MAN1C1: variants seen among roughly 807,000 people sequenced by gnomAD.
MAN1C1 encodes the protein mannosidase alpha class 1C member 1.
In MAN1C1, 49 loss-of-function variants were observed where a neutral mutation model predicts 71.5. The ratio of observed to expected loss-of-function variants is 0.69; its 90% confidence interval spans 0.54 to 0.87. The LOEUF is 0.87. Among genes scored for constraint, MAN1C1 ranks in the 40% least tolerant of loss-of-function variants. The pLI is 0.00. For missense variants in MAN1C1, 743 were observed against 835.0 expected (o/e 0.89, Z 1.36); for synonymous variants, 352 against 343.7 (o/e 1.02, Z -0.27).
rs143225833 is a variant in MAN1C1, at chr1:25,631,744, A to G, written c.540+13407A>G. The stretch of plus-strand genomic sequence containing the variant: ...ATGTCCTTTCCTGGTTTTGTTATGA[A>G]AGTGATACTGGCTTCGTAGAATGAT... On this transcript the variant is annotated intron_variant, in intron 1 of 11. Coordinates refer to ENST00000374332, the MANE Select transcript of MAN1C1 (RefSeq NM_020379.4). This position sits in a 1 kb window ranked among gnomAD's most constrained non-coding sequence, Gnocchi z 4.2. Among the ~76,000 whole-genome samples the G allele has an allele frequency of 1.5e-3, 225 of 152,176 alleles. No individual in the cohort carries two copies. The highest frequency in any genetic ancestry group is 5.1e-3 in the African/African-American group (213 of 41,508).
At chr1:25,729,728 T>A (rs534758073) in intron 2 of MAN1C1, among the ~76,000 whole-genome samples, 1 of 152,180 alleles carries the variant, frequency 6.6e-6, no homozygotes, top group Admixed American at 6.5e-5. Flanking sequence ...GCCAGGATAG[T>A]CTCCATCTCT....
intron 7 of MAN1C1, among the ~76,000 whole-genome samples, chr1:25,768,292 C>A (rs2047482024): frequency 8.8e-6 from 1 of 114,194 alleles, no homozygotes; most frequent in Non-Finnish European, 1.8e-5. Context: ...ACTCCCCTCA[C>A]ACACACGCAT....
chr1:25,684,440 G>C (rs1051418238), intron 1 of MAN1C1, among the ~76,000 whole-genome samples: 2 of 152,234 alleles, frequency 1.3e-5, no homozygotes, highest in Non-Finnish European at 2.9e-5. Flanking sequence ...CCAAGCCTGG[G>C]GGGGTGTCAG....
rs573400732 is a variant in MAN1C1 at position 25,672,688 on chromosome 1, A to C, written c.541-13752A>C. Among the ~76,000 whole-genome samples the C allele has an allele frequency of 5.9e-5, 9 of 152,324 alleles. No individual in the cohort carries two copies. In the East Asian group the frequency reaches 1.7e-3, roughly 29 times the overall value. ...TCAGCTGATTAGCAACTGTAATTCC[A>C]TCTGAAACCTTAATTCCATCTTACC... On this transcript the variant is annotated intron_variant, in intron 1 of 11. Transcript: ENST00000374332.
rs1465877846 is a variant in MAN1C1 at position 25,735,152 on chromosome 1, C to T, written c.638-11516C>T. ...AGGCGGCCAGTCGCGGTGGCTCACG[C>T]CTGTTATCCCAGGCCTGTCTCGTGG... On this transcript the variant is annotated intron_variant, in intron 2 of 11. Transcript: ENST00000374332. This position sits in a 1 kb window ranked among gnomAD's most constrained non-coding sequence, Gnocchi z 4.6. 2.0e-5 allele frequency among the ~76,000 whole-genome samples: 3 copies of T among 152,204 alleles called. No homozygotes were observed. The highest frequency in any genetic ancestry group is 4.4e-5 in the Non-Finnish European group (3 of 68,038).
chr1:25,630,544 G>A (rs77400086), intron 1 of MAN1C1, among the ~76,000 whole-genome samples: 1 of 152,136 alleles, frequency 6.6e-6, no homozygotes, highest in Non-Finnish European at 1.5e-5. Context: ...CATGGGATGT[G>A]TTTCCATTTG....
chr1:25,623,455 G>A (rs113199174), intron 1 of MAN1C1, among the ~76,000 whole-genome samples: 1 of 98,732 alleles, frequency 1.0e-5, no homozygotes, highest in Admixed American at 1.1e-4. Flanking sequence ...TAGTGGTGGT[G>A]GGGGGGGGTA....
chr1:25,653,756 A>G (rs1212352064), intron 1 of MAN1C1, among the ~76,000 whole-genome samples: 1 of 152,134 alleles, frequency 6.6e-6, no homozygotes, highest in Non-Finnish European at 1.5e-5. Flanking sequence ...CCTAGAGGGC[A>G]GGGGATCAGG....
At chr1:25,684,603 G>T (rs576613598) in intron 1 of MAN1C1, among the ~76,000 whole-genome samples, 1 of 152,362 alleles carries the variant, frequency 6.6e-6, no homozygotes, top group African/African-American at 2.4e-5. Context: ...CCATGCACCT[G>T]TCAGGTCTTC....
chr1:25,679,964 T>C (rs1340796323), intron 1 of MAN1C1, among the ~76,000 whole-genome samples: 1 of 141,636 alleles, frequency 7.1e-6, no homozygotes, highest in Non-Finnish European at 1.5e-5. Flanking sequence ...TATATATATA[T>C]ATATATATAT....
At chr1:25,673,724 AT>A (rs1375626998) in intron 1 of MAN1C1, among the ~76,000 whole-genome samples, 1 of 152,204 alleles carries the variant, frequency 6.6e-6, no homozygotes, top group Non-Finnish European at 1.5e-5. Flanking sequence ...TGAAAACGGC[AT>A]GTGCACATGC....
intron 1 of MAN1C1, among the ~76,000 whole-genome samples, chr1:25,647,219 A>G (rs1378984476): frequency 6.6e-6 from 1 of 152,190 alleles, no homozygotes; most frequent in Non-Finnish European, 1.5e-5. Flanking sequence ...TGGGTAGGCC[A>G]GGGTCTGGTC....
intron 2 of MAN1C1, among the ~76,000 whole-genome samples, chr1:25,696,249 T>A (rs556345808): frequency 6.6e-6 from 1 of 152,254 alleles, no homozygotes; most frequent in African/African-American, 2.4e-5. Flanking sequence ...CTGTGACAAA[T>A]AGGTATGTGC....
rs1443048107 is a variant in MAN1C1 at position 25,656,950 on chromosome 1, C to T, written c.541-29490C>T. 3.3e-5 allele frequency among the ~76,000 whole-genome samples: 5 copies of T among 151,992 alleles called. No homozygotes were observed. In the East Asian group the frequency reaches 7.7e-4, roughly 23 times the overall value. ...ACACCGTTCTCCCGCCTCAGCCTCCCGAGTAGCTGGGACTACAGGCACCCG... is the reference window on the plus strand; with the variant it reads ...ACACCGTTCTCCCGCCTCAGCCTCCTGAGTAGCTGGGACTACAGGCACCCG... On this transcript the variant is annotated intron_variant, in intron 1 of 11. Coordinates refer to ENST00000374332, the MANE Select transcript of MAN1C1 (RefSeq NM_020379.4).
rs948767284 is a variant in MAN1C1, at chr1:25,746,412, G to A, written c.638-256G>A. On this transcript the variant is annotated intron_variant, in intron 2 of 11. Coordinates refer to ENST00000374332, the MANE Select transcript of MAN1C1 (RefSeq NM_020379.4). This position sits in a 1 kb window ranked among gnomAD's most constrained non-coding sequence, Gnocchi z 4.0. ...CAACAGAAGAGTGGACCGAGTCTGG[G>A]AAGTGGCTCAGCCTGGGCCCTCGGT... Among the ~76,000 whole-genome samples, 4 of 152,242 alleles carry A rather than the reference G, an allele frequency of 2.6e-5. No individual in the cohort carries two copies. Among genetic ancestry groups the A allele is most frequent in the African/African-American group, 9.6e-5 (4 of 41,470 alleles).
intron 2 of MAN1C1, among the ~76,000 whole-genome samples, chr1:25,732,823 G>T (rs2046927721): frequency 6.6e-6 from 1 of 152,244 alleles, no homozygotes; most frequent in Non-Finnish European, 1.5e-5. Flanking sequence ...ATGTTTTACA[G>T]GGGTGAATGG....
chr1:25,638,360 A>G (rs956384281), intron 1 of MAN1C1, among the ~76,000 whole-genome samples: 2 of 152,152 alleles, frequency 1.3e-5, no homozygotes, highest in African/African-American at 4.8e-5. Context: ...TTTTACTGCT[A>G]TGTATGTTAT....
intron 1 of MAN1C1, among the ~76,000 whole-genome samples, chr1:25,643,778 A>G (rs865835935): frequency 6.6e-6 from 1 of 151,930 alleles, no homozygotes. Flanking sequence ...GAGTGCTGGG[A>G]TTACAGGCAT....
chr1:25,755,974 C>G (rs545917074), intron 5 of MAN1C1, among the ~76,000 whole-genome samples: 2 of 152,158 alleles, frequency 1.3e-5, no homozygotes, highest in Non-Finnish European at 2.9e-5. Flanking sequence ...CACAGAACAC[C>G]TAGGATTTGG....
Sources: allele counts gnomAD v4.1 joint callset (sites outside exome capture counted in the v4.1 genomes callset), GRCh38; gene constraint gnomAD v4.1.1; non-coding constraint Gnocchi (gnomAD v3.1); transcripts MANE v1.5; gene names NCBI Gene and HGNC (gene_info 2026-07-23, HGNC 2026-07-21).